BCAR3: variants seen among roughly 807,000 people sequenced by gnomAD.
BCAR3 encodes the protein BCAR3 adaptor protein, NSP family member, also known as breast cancer anti-estrogen resistance protein 3.
A neutral mutation model predicts 80.1 loss-of-function variants in BCAR3; 37 were observed. The observed-to-expected ratio is 0.46, with a 90% CI of 0.36 to 0.61. BCAR3 has a LOEUF of 0.61. Ranked by LOEUF, BCAR3 falls within the 20% of genes least tolerant of loss-of-function variation. The pLI, the probability that BCAR3 is intolerant of heterozygous loss-of-function variation, is 0.00. For synonymous variants in BCAR3, 389 were observed against 418.9 expected (o/e 0.93, Z 0.87); for missense variants, 978 against 1,068.2 (o/e 0.92, Z 1.18).
chr1:93,620,689 A>G (rs547179909), intron 3 of BCAR3, among the ~76,000 whole-genome samples: 3 of 152,114 alleles, frequency 2.0e-5, no homozygotes, highest in Non-Finnish European at 4.4e-5. Flanking sequence ...CAGCCCTGGG[A>G]ACAGATCTTC....
chr1:93,752,158 T>A (rs950312074), intron 2 of BCAR3, among the ~76,000 whole-genome samples: 13 of 152,212 alleles, frequency 8.5e-5, no homozygotes, highest in Non-Finnish European at 1.9e-4. Flanking sequence ...GGGCACTTAC[T>A]CCTCCACTTA....
chr1:93,689,061 T>C (rs1571046719), intron 3 of BCAR3, among the ~76,000 whole-genome samples: 1 of 152,212 alleles, frequency 6.6e-6, no homozygotes, highest in African/African-American at 2.4e-5. Flanking sequence ...TCACTAGCCC[T>C]GGGAGGTATG....
rs905565066 is a variant in BCAR3 at position 93,674,952 on chromosome 1, A to T, written c.-11-11T>A. The T allele has an allele frequency of 1.3e-6, 2 of 1,517,524 alleles. No homozygotes were observed. Among genetic ancestry groups the T allele is most frequent in the Non-Finnish European group, 1.8e-6 (2 of 1,135,486 alleles). 94.0% of individuals were successfully genotyped at this position (1,517,524 alleles called of 1,614,324 possible). ...CCATAATTCTCAACTCTAAGGGGGA[A>T]AGAAAAGAGTGAAGGTATAAATCTA... is the stretch of plus-strand genomic sequence containing the variant. On this transcript the variant is annotated splice_polypyrimidine_tract_variant and intron_variant, in intron 1 of 11. Coordinates refer to ENST00000260502, the MANE Select transcript of BCAR3 (RefSeq NM_003567.4).
intron 2 of BCAR3, among the ~76,000 whole-genome samples, chr1:93,842,434 G>A (rs909132502): frequency 6.6e-6 from 1 of 152,186 alleles, no homozygotes; most frequent in African/African-American, 2.4e-5. Context: ...TTACAGCCAT[G>A]AGCTACCTAC....
At chr1:93,716,037 A>C (rs1009094979) in intron 2 of BCAR3, among the ~76,000 whole-genome samples, 3 of 152,220 alleles carry the variant, frequency 2.0e-5, no homozygotes, top group Middle Eastern at 3.2e-3. Flanking sequence ...TGCGAGCTGC[A>C]GGGTGTTGGA....
chr1:93,694,350 C>T (rs1649307831), intron 3 of BCAR3, among the ~76,000 whole-genome samples: 1 of 151,898 alleles, frequency 6.6e-6, no homozygotes, highest in Admixed American at 6.6e-5. Flanking sequence ...GGACTGACGC[C>T]CTCCCAGCCA....
At chr1:93,594,823 T>C (rs1294176482) in intron 3 of BCAR3, 1 of 152,252 alleles carries the variant, frequency 6.6e-6, no homozygotes, top group East Asian at 1.9e-4. Context: ...CAAGAAGCTA[T>C]TTCCACAGTT....
chr1:93,630,985 G>C (rs1210515368), intron 3 of BCAR3, among the ~76,000 whole-genome samples: 2 of 152,230 alleles, frequency 1.3e-5, no homozygotes, highest in Non-Finnish European at 2.9e-5. Flanking sequence ...GGACTGCCAA[G>C]ACCAATTACC....
intron 3 of BCAR3, among the ~76,000 whole-genome samples, chr1:93,632,507 A>C (rs1288033475): frequency 6.6e-6 from 1 of 152,226 alleles, no homozygotes; most frequent in African/African-American, 2.4e-5. Flanking sequence ...CAGTAGGCTA[A>C]GCTATAATAT....
chr1:93,790,644 TTTCTTAA>T (rs1653115846), intron 2 of BCAR3, among the ~76,000 whole-genome samples: 2 of 98,250 alleles, frequency 2.0e-5, no homozygotes, highest in Admixed American at 2.0e-4. Flanking sequence ...ATTTTTTTTT[TTTCTTAA>T]TTTTTTTTTT....
chr1:93,674,969 A>T (rs1354868061), intron 1 of BCAR3, 28 bp from the exon 2 acceptor site: 1 of 1,491,796 alleles, frequency 6.7e-7, no homozygotes, highest in Non-Finnish European at 9.0e-7. Context: ...GAGTGAAGGT[A>T]TAAATCTATG....
At position 93,586,557 on chromosome 1, in the gene BCAR3, T is replaced by C. The variant is rs2101839271; in HGVS notation, c.929+2420A>G. 6.6e-6 allele frequency among the ~76,000 whole-genome samples: 1 copy of C among 152,348 alleles called. No homozygotes were observed. The highest frequency in any genetic ancestry group is 2.4e-5 in the African/African-American group (1 of 41,584). ...ATACTGATTTCCACTCTTCTGGGTA[T>C]ATACCCAGCAGTGGGATTGCTGGAT... is the stretch of plus-strand genomic sequence containing the variant. On this transcript the variant is annotated intron_variant, in intron 5 of 11. Transcript: ENST00000260502. This position sits in a 1 kb window ranked among gnomAD's most constrained non-coding sequence, Gnocchi z 4.2.
intron 8 of BCAR3, among the ~76,000 whole-genome samples, chr1:93,573,609 T>TTTTTTATTATTATTATTATTA (rs760911546): frequency 2.3e-4 from 33 of 142,810 alleles, no homozygotes; most frequent in African/African-American, 8.1e-4. Context: ...AAAATATATT[T>TTTTTTATTATTATTATTATTA]TTATTATTAT....
Position 93,575,956 on chromosome 1 carries a change from G to C in BCAR3, c.1802+58C>G, listed in dbSNP as rs566008813. On this transcript the variant is annotated intron_variant, in intron 8 of 11. Transcript: ENST00000260502. Reference sequence around the variant, plus strand: ...GCCTCTCTTTGTTCTAAAACCTGCTGCTCTGATGCCTGGAAGGAGCTGGGA... The same window carrying C: ...GCCTCTCTTTGTTCTAAAACCTGCTCCTCTGATGCCTGGAAGGAGCTGGGA... 50 of 1,485,218 alleles carry C rather than the reference G, an allele frequency of 3.4e-5. No individual in the cohort carries two copies. The African/African-American group carries it at 6.1e-4, about 18-fold the overall frequency. 92.0% of individuals were successfully genotyped at this position (1,485,218 alleles called of 1,614,324 possible).
intron 4 of BCAR3, among the ~76,000 whole-genome samples, chr1:93,591,516 C>G (rs984227967): frequency 1.3e-5 from 2 of 152,112 alleles, no homozygotes; most frequent in Admixed American, 1.3e-4. Context: ...CCCTTCCCCC[C>G]AGCCCCTGTC....
At chr1:93,583,917 TTG>T in intron 6 of BCAR3, 99 bp downstream of exon 6, 1 of 1,172,678 alleles carries the variant, frequency 8.5e-7, no homozygotes, top group Non-Finnish European at 1.2e-6. Context: ...GCCTGAGGCC[TTG>T]TGTCGTTTTC....
rs530115347 is a variant in BCAR3 at position 93,605,255 on chromosome 1, G to A, written c.358-12862C>T. ...AGAGGAAGGCCGAAGGTCAATGGGT[G>A]CACTTAATCATTATTGGACTAGAGA... On this transcript the variant is annotated intron_variant, in intron 3 of 11. Coordinates refer to ENST00000260502, the MANE Select transcript of BCAR3 (RefSeq NM_003567.4). Among the ~76,000 whole-genome samples the A allele has an allele frequency of 2.6e-5, 4 of 152,332 alleles. No homozygotes were observed. The South Asian group carries it at 6.2e-4, about 24-fold the overall frequency.
intron 3 of BCAR3, among the ~76,000 whole-genome samples, chr1:93,637,870 A>C (rs939663394): frequency 2.2e-4 from 33 of 152,340 alleles, no homozygotes; most frequent in African/African-American, 7.9e-4. Context: ...TAGAAGGAAC[A>C]ATAGCCCACT....
At chr1:93,774,453 C>T (rs1339880684) in intron 2 of BCAR3, among the ~76,000 whole-genome samples, 7 of 147,776 alleles carry the variant, frequency 4.7e-5, no homozygotes, top group Non-Finnish European at 7.4e-5. Flanking sequence ...CACTGCACTC[C>T]AGCCTGATCA....
Sources: gnomAD v4.1 joint callset for allele counts (sites outside exome capture counted in the v4.1 genomes callset) on GRCh38, gnomAD v4.1.1 for gene constraint, Gnocchi (gnomAD v3.1) non-coding constraint, MANE v1.5 for transcripts, NCBI Gene and HGNC (gene_info 2026-07-23, HGNC 2026-07-21) for gene names.